The following CFAP54 variants were observed in gnomAD, a reference collection of about 807,000 sequenced individuals.
CFAP54 encodes the protein cilia- and flagella-associated protein 54.
CFAP54 carries 290 observed loss-of-function variants against 370.4 expected under a neutral mutation model. The observed-to-expected ratio is 0.78, with a 90% CI of 0.71 to 0.86. The LOEUF is 0.86. Ranked by LOEUF, CFAP54 falls within the 40% of genes least tolerant of loss-of-function variation. The pLI, the probability that CFAP54 is intolerant of heterozygous loss-of-function variation, is 0.00. For synonymous variants in CFAP54, 1,206 were observed against 1,236.5 expected (o/e 0.98, Z 0.52); for missense variants, 3,399 against 3,528.7 (o/e 0.96, Z 0.93).
chr12:96,814,818 T>C (rs895275526), intron 64 of CFAP54, among the ~76,000 whole-genome samples: 1 of 152,198 alleles, frequency 6.6e-6, no homozygotes, highest in African/African-American at 2.4e-5. Context: ...TGGTTTTCTG[T>C]TCCTGTGTTA....
At position 96,856,109 on chromosome 12, in the gene CFAP54, C is replaced by T. The variant is rs372590827; in HGVS notation, c.9172-4710C>T. The stretch of plus-strand genomic sequence containing the variant: ...GCCATGGCCTGAGCTGTACCGTGGC[C>T]CCTTTTAGCCATGGCTGGAGCAACT... On this transcript the variant is annotated intron_variant, in intron 66 of 67. Transcript: ENST00000524981. 7.2e-5 allele frequency among the ~76,000 whole-genome samples: 11 copies of T among 152,234 alleles called. No homozygotes were observed. The East Asian group carries it at 1.2e-3, about 16-fold the overall frequency.
chr12:96,690,314 C>G (rs1056584547), intron 43 of CFAP54, among the ~76,000 whole-genome samples: 1 of 152,098 alleles, frequency 6.6e-6, no homozygotes, highest in Non-Finnish European at 1.5e-5. Flanking sequence ...ATCTCATGAC[C>G]TTAATAAGCC....
intron 50 of CFAP54, among the ~76,000 whole-genome samples, chr12:96,728,329 T>A (rs1803906826): frequency 6.6e-6 from 1 of 152,232 alleles, no homozygotes; most frequent in Non-Finnish European, 1.5e-5. Flanking sequence ...AGATGCAGAT[T>A]TGGTGTTTTC....
At chr12:96,576,230 C>T (rs1169829702) in intron 19 of CFAP54, among the ~76,000 whole-genome samples, 11 of 151,900 alleles carry the variant, frequency 7.2e-5, no homozygotes, top group Non-Finnish European at 1.6e-4. Flanking sequence ...AATTCATCAG[C>T]ATAAATGCAG....
intron 13 of CFAP54, among the ~76,000 whole-genome samples, chr12:96,539,089 T>TTTTTTTTTTTGTTG (rs1955542539): frequency 6.8e-6 from 1 of 147,690 alleles, no homozygotes; most frequent in African/African-American, 2.5e-5. Flanking sequence ...TTTTTGTTTT[T>TTTTTTTTTTTGTTG]GAGATGGAGT....
chr12:96,654,516 A>T (rs868561319), intron 36 of CFAP54, among the ~76,000 whole-genome samples: 6 of 151,146 alleles, frequency 4.0e-5, no homozygotes, highest in African/African-American at 9.7e-5. Flanking sequence ...AAAAAAAAAA[A>T]TTTATGGGGT....
chr12:96,857,972 A>G (rs147850524), intron 66 of CFAP54, among the ~76,000 whole-genome samples: 2 of 152,238 alleles, frequency 1.3e-5, no homozygotes, highest in East Asian at 1.9e-4. Flanking sequence ...TTGTGTGCAC[A>G]TGTCTGAAGT....
chr12:96,809,854 C>G (rs1336006894), intron 63 of CFAP54, among the ~76,000 whole-genome samples: 3 of 152,160 alleles, frequency 2.0e-5, no homozygotes, highest in Non-Finnish European at 4.4e-5. Context: ...CTGTTAGACT[C>G]CTGCCTAATT....
At chr12:96,734,671 T>C (rs1368461526) in intron 50 of CFAP54, among the ~76,000 whole-genome samples, 1 of 152,186 alleles carries the variant, frequency 6.6e-6, no homozygotes, top group Non-Finnish European at 1.5e-5. Flanking sequence ...AGTGTATGAA[T>C]TCTTAAAAAT....
intron 17 of CFAP54, among the ~76,000 whole-genome samples, chr12:96,561,913 G>A (rs1269281463): frequency 2.0e-5 from 3 of 151,290 alleles, no homozygotes; most frequent in Non-Finnish European, 2.9e-5. Context: ...AGTTTCCCAA[G>A]TAGCTGGGAC....
intron 60 of CFAP54, among the ~76,000 whole-genome samples, chr12:96,772,591 A>ACT (rs1555326521): frequency 7.3e-6 from 1 of 137,830 alleles, no homozygotes; most frequent in Non-Finnish European, 1.6e-5. Flanking sequence ...TTGGTGGGCA[A>ACT]TTTTTTTTTT....
intron 63 of CFAP54, among the ~76,000 whole-genome samples, chr12:96,810,912 G>C (rs1312446675): frequency 1.3e-5 from 2 of 152,192 alleles, no homozygotes; most frequent in Non-Finnish European, 2.9e-5. Flanking sequence ...ACGTCTTTTG[G>C]AAGAAGTTTT....
intron 22 of CFAP54, among the ~76,000 whole-genome samples, chr12:96,588,027 T>G (rs1302463423): frequency 6.6e-6 from 1 of 152,218 alleles, no homozygotes; most frequent in African/African-American, 2.4e-5. Flanking sequence ...AATACAGCAA[T>G]GCACATAAAG....
chr12:96,689,039 T>TA (rs1053478657), intron 43 of CFAP54, 57 bp downstream of exon 43: 155 of 1,096,322 alleles, frequency 1.4e-4, no homozygotes, highest in South Asian at 2.6e-4. Flanking sequence ...ATTGGATCAG[T>TA]AAAAAAAAGT....
intron 64 of CFAP54, among the ~76,000 whole-genome samples, chr12:96,815,918 T>C (rs1431431093): frequency 6.6e-6 from 1 of 152,248 alleles, no homozygotes; most frequent in Non-Finnish European, 1.5e-5. Flanking sequence ...TCCATTGGTC[T>C]ATGTACCTGT....
At chr12:96,550,953 T>A (rs1374260804) in intron 15 of CFAP54, among the ~76,000 whole-genome samples, 1 of 152,108 alleles carries the variant, frequency 6.6e-6, no homozygotes, top group Non-Finnish European at 1.5e-5. Flanking sequence ...AAAGATTATA[T>A]CCTAGGAAAA....
chr12:96,634,937 C>G (rs913985159), intron 32 of CFAP54, among the ~76,000 whole-genome samples: 7 of 152,200 alleles, frequency 4.6e-5, no homozygotes, highest in Non-Finnish European at 8.8e-5. Context: ...TTCCATTGAT[C>G]TATGTGCCTC....
At chr12:96,665,856 A>G (rs953588106) in intron 39 of CFAP54, among the ~76,000 whole-genome samples, 2 of 152,182 alleles carry the variant, frequency 1.3e-5, no homozygotes, top group Non-Finnish European at 2.9e-5. Context: ...TTCTGTGAAG[A>G]ATCTCAATGG....
intron 15 of CFAP54, among the ~76,000 whole-genome samples, chr12:96,550,842 T>C (rs1463500417): frequency 1.3e-5 from 2 of 152,136 alleles, no homozygotes; most frequent in Non-Finnish European, 2.9e-5. Flanking sequence ...TATACAAATA[T>C]ACTTAGATTT....
Sources: allele counts gnomAD v4.1 joint callset (sites outside exome capture counted in the v4.1 genomes callset), GRCh38; gene constraint gnomAD v4.1.1; transcripts MANE v1.5; gene names NCBI Gene and HGNC (gene_info 2026-07-23, HGNC 2026-07-21).